Variants in AFF4 observed in about 807,000 individuals in gnomAD.
AFF4 encodes the protein AF4/FMR2 family member 4.
AFF4 carries 13 observed loss-of-function variants against 124.8 expected under a neutral mutation model. The ratio of observed to expected loss-of-function variants is 0.10; its 90% CI spans 0.07 to 0.17. AFF4 has a LOEUF of 0.17. AFF4 is among the 10% of genes least tolerant of loss of function. The pLI, the probability that AFF4 is intolerant of heterozygous loss-of-function variation, is 1.00. For synonymous variants in AFF4, 477 were observed against 496.1 expected, an observed-to-expected ratio of 0.96 and a Z score of 0.51; for missense variants, 1,092 against 1,403.8, an observed-to-expected ratio of 0.78 and a Z score of 3.55.
intron 1 of AFF4, among the ~76,000 whole-genome samples, chr5:132,940,795 G>C (rs1761550800): frequency 6.6e-6 from 1 of 152,250 alleles, no homozygotes; most frequent in South Asian, 2.1e-4. Flanking sequence ...GGGAGGCCGA[G>C]GCAGGCGGAT....
rs1427335493 is a variant in AFF4 at position 132,878,458 on chromosome 5, T to C, written c.*2601A>G. 8.6e-6 allele frequency: 2 copies of C among 232,128 alleles called. No individual in the cohort carries two copies. The highest frequency in any genetic ancestry group is 4.4e-5 in the African/African-American group (2 of 45,254). The allele number at this position is 232,128 out of a possible 1,614,324, so 14.4% of individuals were successfully genotyped here. A position where few individuals can be genotyped will look rare whatever the true frequency, so the allele number is the denominator to read the frequency against. On this transcript the variant is annotated 3_prime_UTR_variant, in exon 21 of 21. Transcript: ENST00000265343. ...TCAGTTTTAAATGCTTAGAAAACAC[T>C]GAGGACACCTATTGAGGAGGGAGGG...
chr5:132,958,855 A>G (rs1347457778), intron 1 of AFF4, among the ~76,000 whole-genome samples: 1 of 152,174 alleles, frequency 6.6e-6, no homozygotes, highest in Non-Finnish European at 1.5e-5. Flanking sequence ...CTGTCCCCGA[A>G]CAGATCTCTG....
rs765736810 is a variant in AFF4 at position 132,879,802 on chromosome 5, C to T, written c.*1257G>A. ...CTGGCTCCACTCCCTGTCCCAAGAG[C>T]TCACACTGAATCAAGTTAGGTACAC... On this transcript the variant is annotated 3_prime_UTR_variant, in exon 21 of 21. Coordinates refer to ENST00000265343, the MANE Select transcript of AFF4 (RefSeq NM_014423.4). 36 of 227,022 alleles carry T rather than the reference C, an allele frequency of 1.6e-4. 1 individual carries two copies. The highest frequency in any genetic ancestry group is 3.1e-4 in the Non-Finnish European group (35 of 114,480). The allele number at this position is 227,022 out of a possible 1,614,324, so 14.1% of individuals were successfully genotyped here.
Position 132,934,256 on chromosome 5 carries a change from A to G in AFF4, c.809T>C (p.Leu270Pro). 1.9e-6 allele frequency: 3 copies of G among 1,614,166 alleles called. No individual in the cohort carries two copies. Among genetic ancestry groups the G allele is most frequent in the South Asian group, 2.2e-5 (2 of 91,086 alleles). ...MDGQESMEPK[L>P]SSEHYSSQSH... is the part of the protein sequence containing the mutation. ...TTGGCTGCTGTAGTGCTCAGAGGAC[A>G]GCTTTGGTTCCATGGACTCCTGTCC... Residue 270 changes from leucine to proline, a missense_variant, in exon 3 of 21, where the codon CTG becomes CCG. Leu to Pro is a moderately conservative substitution (Grantham distance 98). Around this residue, in one of 11 missense-constraint regions of AFF4, gnomAD observed 148 missense variants for 196.3 expected, o/e 0.75. Transcript: ENST00000265343.
Position 132,934,146 on chromosome 5 carries a change from C to CTGTA in AFF4, c.918_918+1insTACA (p.Ala307TyrfsTer7). 1 of 1,610,192 alleles carries CTGTA rather than the reference C, an allele frequency of 6.2e-7. No individual in the cohort carries two copies. Among genetic ancestry groups the CTGTA allele is most frequent in the Non-Finnish European group, 8.5e-7 (1 of 1,177,416 alleles). On this transcript the variant is annotated frameshift_variant and splice_region_variant. Transcript: ENST00000265343. LOFTEE classifies it high-confidence loss of function. ...TTAAAAGCTCTAAATGTGTGACTTA[C>CTGTA]ATCCAGTGGTTGGGAAGGTATTTTC... is the stretch of plus-strand genomic sequence containing the variant.
chr5:132,891,341 G>A (rs1760252500), intron 13 of AFF4, among the ~76,000 whole-genome samples: 1 of 152,136 alleles, frequency 6.6e-6, no homozygotes, highest in Admixed American at 6.5e-5. Context: ...GCTTTAAGGA[G>A]TCTTATTTTT....
At chr5:132,945,720 G>A (rs1223673132) in intron 1 of AFF4, among the ~76,000 whole-genome samples, 1 of 151,920 alleles carries the variant, frequency 6.6e-6, no homozygotes, top group African/African-American at 2.4e-5. Context: ...CCACTGCACT[G>A]CACTCCAGCC....
chr5:132,885,883 C>A (rs1760106595), intron 18 of AFF4, among the ~76,000 whole-genome samples: 2 of 152,154 alleles, frequency 1.3e-5, no homozygotes, highest in Admixed American at 6.5e-5. Flanking sequence ...AAGCGATTCT[C>A]CTGCCTCAGC....
chr5:132,917,777 A>G (rs1760949316), intron 5 of AFF4, among the ~76,000 whole-genome samples: 1 of 131,910 alleles, frequency 7.6e-6, no homozygotes, highest in Non-Finnish European at 1.5e-5. Flanking sequence ...CAATGGCGCA[A>G]TCTCGGCTCA....
chr5:132,939,755 C>T (rs963353318), intron 1 of AFF4, among the ~76,000 whole-genome samples: 2 of 152,196 alleles, frequency 1.3e-5, no homozygotes, highest in African/African-American at 4.8e-5. Flanking sequence ...GGATTACAGG[C>T]ACCTGCCACC....
intron 1 of AFF4, among the ~76,000 whole-genome samples, chr5:132,939,069 A>G (rs1034421439): frequency 6.6e-6 from 1 of 151,420 alleles, no homozygotes; most frequent in Non-Finnish European, 1.5e-5. Context: ...TAAAAATAAA[A>G]TTTAGCCAGG....
In AFF4 at chr5:132,875,982, A is replaced by T. The variant is rs1759828154; in HGVS notation, c.*5077T>A. The T allele has an allele frequency of 4.4e-6, 1 of 225,408 alleles. No individual in the cohort carries two copies. Among genetic ancestry groups the T allele is most frequent in the Non-Finnish European group, 8.8e-6 (1 of 113,466 alleles). 14.0% of individuals were successfully genotyped at this position (225,408 alleles called of 1,614,324 possible). A position where few individuals can be genotyped will look rare whatever the true frequency, so the allele number is the denominator to read the frequency against. Reference sequence around the variant, plus strand: ...CCCTCCAAAACCCTCCCCAAATATCAAACAATTATATACCAAATAATTTTA... The same window carrying T: ...CCCTCCAAAACCCTCCCCAAATATCTAACAATTATATACCAAATAATTTTA... On this transcript the variant is annotated 3_prime_UTR_variant, in exon 21 of 21. Transcript: ENST00000265343.
At chr5:132,958,486 AAAAGG>A (rs1401880196) in intron 1 of AFF4, among the ~76,000 whole-genome samples, 8 of 150,924 alleles carry the variant, frequency 5.3e-5, no homozygotes, top group Non-Finnish European at 3.0e-5. Context: ...AAAAAAAAAA[AAAAGG>A]AGCTACAAAG....
intron 1 of AFF4, among the ~76,000 whole-genome samples, chr5:132,961,364 G>A (rs945261908): frequency 1.3e-5 from 2 of 152,014 alleles, no homozygotes; most frequent in African/African-American, 4.8e-5. Context: ...CTACAGGTGT[G>A]CACCACCACA....
At chr5:132,887,825 C>T (rs1403426830) in intron 16 of AFF4, 21 bp downstream of exon 16, 1 of 1,610,678 alleles carries the variant, frequency 6.2e-7, no homozygotes, top group Non-Finnish European at 8.5e-7. Context: ...TGCCAATGAT[C>T]TGCCAAGTTT....
intron 10 of AFF4, 98 bp from the exon 11 acceptor site, chr5:132,897,338 C>G: frequency 7.8e-7 from 1 of 1,275,524 alleles, no homozygotes; most frequent in South Asian, 1.4e-5. Context: ...ACCACAATGC[C>G]TAATGCAACA....
intron 1 of AFF4, among the ~76,000 whole-genome samples, chr5:132,955,927 T>C (rs1402266360): frequency 6.8e-6 from 1 of 146,014 alleles, no homozygotes; most frequent in African/African-American, 2.5e-5. Context: ...ATACTTACTA[T>C]ATTATACTAT....
chr5:132,918,577 G>A (rs1422902973), intron 5 of AFF4, among the ~76,000 whole-genome samples: 5 of 151,310 alleles, frequency 3.3e-5, no homozygotes, highest in Admixed American at 6.6e-5. Context: ...CAGGAGAATC[G>A]CTCGAACCCA....
intron 5 of AFF4, among the ~76,000 whole-genome samples, chr5:132,920,849 C>T (rs1047324715): frequency 1.6e-4 from 25 of 151,904 alleles, no homozygotes; most frequent in African/African-American, 5.1e-4. Context: ...CATTTCAGGC[C>T]GGGCGCAGTG....
Sources: gnomAD v4.1 joint callset for allele counts (sites outside exome capture counted in the v4.1 genomes callset) on GRCh38, gnomAD v4.1.1 for gene constraint, gnomAD v4.1.1 regional missense constraint, MANE v1.5 for transcripts, NCBI Gene and HGNC (gene_info 2026-07-23, HGNC 2026-07-21) for gene names.